Variants in CACNG5 observed in about 807,000 individuals in gnomAD.
CACNG5 encodes voltage-dependent calcium channel gamma-5 subunit.
CACNG5 carries 18 observed loss-of-function variants against 24.8 expected under a neutral mutation model. The observed-to-expected ratio is 0.73, with a 90% CI of 0.50 to 1.08. The LOEUF (loss-of-function observed/expected upper bound fraction) is 1.08. CACNG5 is among the 50% of genes least tolerant of loss of function. CACNG5 has a pLI of 0.00. For missense variants in CACNG5, 349 were observed against 367.9 expected, an observed-to-expected ratio of 0.95 and a Z score of 0.42; for synonymous variants, 157 against 149.1, an observed-to-expected ratio of 1.05 and a Z score of -0.39.
chr17:66,880,800 G>A (rs1977148958), intron 4 of CACNG5, 103 bp downstream of exon 4: 3 of 1,323,066 alleles, frequency 2.3e-6, no homozygotes, highest in East Asian at 2.3e-5. Flanking sequence ...GGAGTGCAGT[G>A]GCACGATCTT....
At chr17:66,862,892 C>CTCTGTGTGTGTGTG (rs567913804) in intron 1 of CACNG5, among the ~76,000 whole-genome samples, 28 of 142,260 alleles carry the variant, frequency 2.0e-4, no homozygotes, top group African/African-American at 5.8e-4. Flanking sequence ...AGCATATTCT[C>CTCTGTGTGTGTGTG]TGTGTGTGTG....
In CACNG5 at chr17:66,857,697, T is replaced by G. The variant is rs566839306; in HGVS notation, c.-103-19533T>G. On this transcript the variant is annotated intron_variant, in intron 1 of 5. Transcript: ENST00000533854. ...TGGCCGCCATATTGGGAAGCTCCGC[T>G]CTAGTCCAGATTAGACCAAAATCAG... Among the ~76,000 whole-genome samples the G allele has an allele frequency of 4.6e-5, 7 of 152,334 alleles. No homozygotes were observed. The South Asian group carries it at 1.4e-3, about 32-fold the overall frequency.
chr17:66,836,691 C>T (rs1158601110), intron 1 of CACNG5, among the ~76,000 whole-genome samples: 4 of 152,192 alleles, frequency 2.6e-5, no homozygotes, highest in Non-Finnish European at 4.4e-5. Flanking sequence ...TGCCTGAGAC[C>T]TCCCCACCCC....
Position 66,890,343 on chromosome 17 carries a change from G to T in CACNG5, c.*5103G>T, listed in dbSNP as rs933789695. ...CAGAGCCCTCACCAGGGCTGCTTTTGCTCTTTGGGTTCCAGGCATGCAGAT... is the reference window on the plus strand; with the variant it reads ...CAGAGCCCTCACCAGGGCTGCTTTTTCTCTTTGGGTTCCAGGCATGCAGAT... On this transcript the variant is annotated 3_prime_UTR_variant, in exon 6 of 6. Transcript: ENST00000533854. 6.6e-6 allele frequency among the ~76,000 whole-genome samples: 1 copy of T among 152,212 alleles called. No individual in the cohort carries two copies. Among genetic ancestry groups the T allele is most frequent in the African/African-American group, 2.4e-5 (1 of 41,442 alleles).
intron 1 of CACNG5, among the ~76,000 whole-genome samples, chr17:66,860,629 G>GAC (rs1298615093): frequency 3.3e-5 from 2 of 60,998 alleles, no homozygotes; most frequent in African/African-American, 1.2e-4. Flanking sequence ...AGAGCCACTT[G>GAC]ACAGAAAAAA....
chr17:66,865,585 G>C (rs1976917475), intron 1 of CACNG5, among the ~76,000 whole-genome samples: 1 of 151,156 alleles, frequency 6.6e-6, no homozygotes, highest in South Asian at 2.1e-4. Flanking sequence ...AGGCATCAGG[G>C]GTAAAAAAAT....
chr17:66,835,835 T>C (rs1976476141), intron 1 of CACNG5, among the ~76,000 whole-genome samples: 1 of 151,906 alleles, frequency 6.6e-6, no homozygotes, highest in South Asian at 2.1e-4. Context: ...AGGGTGGTGC[T>C]ATGGGGACCC....
Position 66,889,455 on chromosome 17 carries a change from T to G in CACNG5, c.*4215T>G, listed in dbSNP as rs1053242173. 6.6e-6 allele frequency among the ~76,000 whole-genome samples: 1 copy of G among 152,182 alleles called. No homozygotes were observed. The highest frequency in any genetic ancestry group is 6.5e-5 in the Admixed American group (1 of 15,292). On this transcript the variant is annotated 3_prime_UTR_variant, in exon 6 of 6. Transcript: ENST00000533854. Reference sequence around the variant, plus strand: ...TGTAGGGGGCACCCCTCCTTAATGTTTGAGTAACTCTCCCTTCTCCCTAGA... The same window carrying G: ...TGTAGGGGGCACCCCTCCTTAATGTGTGAGTAACTCTCCCTTCTCCCTAGA...
chr17:66,841,468 C>T (rs1976567288), intron 1 of CACNG5, among the ~76,000 whole-genome samples: 1 of 152,224 alleles, frequency 6.6e-6, no homozygotes, highest in African/African-American at 2.4e-5. Flanking sequence ...ACGCCCACTG[C>T]TGGAATTGGC....
At chr17:66,857,089 T>G (rs1041881235) in intron 1 of CACNG5, among the ~76,000 whole-genome samples, 1 of 133,038 alleles carries the variant, frequency 7.5e-6, no homozygotes, top group African/African-American at 3.1e-5. Context: ...TTTTTTTTTT[T>G]GATAAGGTCT....
chr17:66,844,666 T>C (rs891380916), intron 1 of CACNG5, among the ~76,000 whole-genome samples: 4 of 149,616 alleles, frequency 2.7e-5, no homozygotes, highest in African/African-American at 9.9e-5. Context: ...CCCACAGCCA[T>C]TGTGTGCAAG....
intron 1 of CACNG5, among the ~76,000 whole-genome samples, chr17:66,848,532 G>A (rs899851853): frequency 6.6e-6 from 1 of 152,224 alleles, no homozygotes; most frequent in Non-Finnish European, 1.5e-5. Flanking sequence ...TCCTCACTGA[G>A]GACAAACCTC....
At chr17:66,884,948 C>G (rs1302147766) in intron 5 of CACNG5, 35 bp from the exon 6 acceptor site, 2 of 1,614,012 alleles carry the variant, frequency 1.2e-6, no homozygotes, top group African/African-American at 2.7e-5. Flanking sequence ...CAGGCCCCAG[C>G]AGCGAGCCCA....
At chr17:66,862,089 CAG>C (rs930619402) in intron 1 of CACNG5, among the ~76,000 whole-genome samples, 160 of 152,104 alleles carry the variant, frequency 1.1e-3, no homozygotes, top group African/African-American at 3.3e-3. Flanking sequence ...CTTGGCATGG[CAG>C]AGAGTTGGGT....
Position 66,865,633 on chromosome 17 carries a change from CTT to C in CACNG5, c.-103-11584_-103-11583del, listed in dbSNP as rs10707080. Among the ~76,000 whole-genome samples, 189 of 137,498 alleles carry C rather than the reference CTT, an allele frequency of 1.4e-3. 1 individual carries two copies. Among genetic ancestry groups the C allele is most frequent in the Middle Eastern group, 7.4e-3 (2 of 270 alleles). 90.2% of individuals were successfully genotyped at this position (137,498 alleles called of 152,430 possible). A position where few individuals can be genotyped will look rare whatever the true frequency, so the allele number is the denominator to read the frequency against. On this transcript the variant is annotated intron_variant, in intron 1 of 5. Coordinates refer to ENST00000533854, the MANE Select transcript of CACNG5 (RefSeq NM_145811.3). ...TTTCAAATCAAGTCTGACAAAATTT[CTT>C]TTTTTTTTTTTTGAGACAGAGTCTC...
chr17:66,868,714 G>A (rs1568068759), intron 1 of CACNG5, among the ~76,000 whole-genome samples: 1 of 152,164 alleles, frequency 6.6e-6, no homozygotes, highest in Non-Finnish European at 1.5e-5. Context: ...TGTGCTTGAC[G>A]TGTCCTTAGT....
chr17:66,885,300 A>T lies in CACNG5; in HGVS notation c.*60A>T, dbSNP rs1977242261. 1 of 1,513,440 alleles carries T rather than the reference A, an allele frequency of 6.6e-7. No homozygotes were observed. The highest frequency in any genetic ancestry group is 8.8e-7 in the Non-Finnish European group (1 of 1,138,474). The allele number at this position is 1,513,440 out of a possible 1,614,324, so 93.8% of individuals were successfully genotyped here. On this transcript the variant is annotated 3_prime_UTR_variant, in exon 6 of 6. Coordinates refer to ENST00000533854, the MANE Select transcript of CACNG5 (RefSeq NM_145811.3). ...CCAGACAACCCTTCCTGTTCTCTCC[A>T]GGTGACCCCTGAGCCCCAGGCCTGT...
intron 1 of CACNG5, among the ~76,000 whole-genome samples, chr17:66,861,319 T>G (rs1976854692): frequency 6.6e-6 from 1 of 152,260 alleles, no homozygotes; most frequent in Non-Finnish European, 1.5e-5. Context: ...AAGACCTACG[T>G]GCACTTACCA....
In CACNG5 at chr17:66,891,817, G is replaced by C. The variant is rs1335037664; in HGVS notation, c.*6577G>C. Among the ~76,000 whole-genome samples, 1 of 152,198 alleles carries C rather than the reference G, an allele frequency of 6.6e-6. No individual in the cohort carries two copies. The highest frequency in any genetic ancestry group is 1.5e-5 in the Non-Finnish European group (1 of 68,024). ...AAACACGATCTGCTGTACCATGACT[G>C]GCTTTGACTAGTAAGTTATTCTCCC... On this transcript the variant is annotated 3_prime_UTR_variant, in exon 6 of 6. Transcript: ENST00000533854.
Sources: allele counts gnomAD v4.1 joint callset (sites outside exome capture counted in the v4.1 genomes callset), GRCh38; gene constraint gnomAD v4.1.1; transcripts MANE v1.5; gene names NCBI Gene and HGNC (gene_info 2026-07-23, HGNC 2026-07-21).